Variants in SMYD3 observed in about 807,000 individuals in gnomAD.
SMYD3 encodes histone-lysine N-methyltransferase SMYD3.
In SMYD3, 36 loss-of-function variants were observed where a neutral mutation model predicts 57.7. That is an observed-to-expected ratio of 0.62 (90% confidence interval 0.48 to 0.82). The LOEUF (loss-of-function observed/expected upper bound fraction) is 0.82. SMYD3 is among the 40% of genes least tolerant of loss of function. The pLI, the probability that SMYD3 is intolerant of heterozygous loss-of-function variation, is 0.00. For missense variants in SMYD3, 515 were observed against 538.8 expected (o/e 0.96, Z 0.44); for synonymous variants, 211 against 195.0 (o/e 1.08, Z -0.68).
intron 7 of SMYD3, among the ~76,000 whole-genome samples, chr1:245,921,547 G>A (rs1344045454): frequency 2.8e-4 from 10 of 35,094 alleles, no homozygotes; most frequent in African/African-American, 3.9e-4. Context: ...AAAAAATGTG[G>A]TGTATATATA....
chr1:245,934,333 G>A (rs1396538648), intron 5 of SMYD3, among the ~76,000 whole-genome samples: 3 of 151,602 alleles, frequency 2.0e-5, no homozygotes, highest in Admixed American at 6.6e-5. Flanking sequence ...CCGGCACCCC[G>A]ACTCCTAGAA....
In SMYD3 at chr1:245,941,665, T is replaced by G. The variant is rs532170304; in HGVS notation, c.532-11728A>C. Reference sequence around the variant, plus strand: ...CCTCCCGAGTAGCTGAGATTACAGGTGCATGCCACCATGCCAAGCTAATTT... The same window carrying G: ...CCTCCCGAGTAGCTGAGATTACAGGGGCATGCCACCATGCCAAGCTAATTT... On this transcript the variant is annotated intron_variant, in intron 5 of 11. Transcript: ENST00000490107. Among the ~76,000 whole-genome samples, 11 of 152,166 alleles carry G rather than the reference T, an allele frequency of 7.2e-5. No homozygotes were observed. In the East Asian group the frequency reaches 2.1e-3, roughly 29 times the overall value.
chr1:245,950,620 C>T (rs112986590), intron 5 of SMYD3, among the ~76,000 whole-genome samples: 17 of 152,238 alleles, frequency 1.1e-4, no homozygotes, highest in East Asian at 7.7e-4. Context: ...TTCACCATTC[C>T]GAGTCGGTCG....
intron 8 of SMYD3, among the ~76,000 whole-genome samples, chr1:245,899,253 A>ATT (rs57422029): frequency 4.6e-5 from 7 of 151,456 alleles, no homozygotes; most frequent in East Asian, 1.9e-4. Context: ...TTACCTCTGT[A>ATT]TTTTTTTTTG....
In SMYD3 at chr1:246,360,963, C is replaced by T. The variant is rs138562078; in HGVS notation, c.165-5869G>A. 4.2e-3 allele frequency among the ~76,000 whole-genome samples: 640 copies of T among 152,196 alleles called. 5 individuals are homozygous for T. The highest frequency in any genetic ancestry group is 0.014 in the African/African-American group (561 of 41,508). On this transcript the variant is annotated intron_variant, in intron 1 of 11. Coordinates refer to ENST00000490107, the MANE Select transcript of SMYD3 (RefSeq NM_001167740.2). ...CATAAATAGATGGGACTTAATTAAA[C>T]CAAAAAGTTTCTGCACAGCAAAAGA...
intron 5 of SMYD3, among the ~76,000 whole-genome samples, chr1:245,951,570 A>C (rs1323484805): frequency 6.9e-6 from 1 of 144,980 alleles, no homozygotes; most frequent in Non-Finnish European, 1.5e-5. Flanking sequence ...CTCTCTCTCA[A>C]AAAAAAAAAA....
chr1:246,057,488 C>G (rs1043591060), intron 5 of SMYD3, among the ~76,000 whole-genome samples: 1 of 152,082 alleles, frequency 6.6e-6, no homozygotes, highest in East Asian at 1.9e-4. Flanking sequence ...ATGGCAAATA[C>G]GCATATGAAA....
chr1:246,047,482 T>C (rs549647709), intron 5 of SMYD3, among the ~76,000 whole-genome samples: 2 of 152,328 alleles, frequency 1.3e-5, no homozygotes, highest in African/African-American at 4.8e-5. Context: ...GAAAGCTGGA[T>C]TGTATTACCT....
chr1:246,296,522 T>C (rs1194703952), intron 5 of SMYD3, among the ~76,000 whole-genome samples: 2 of 152,102 alleles, frequency 1.3e-5, no homozygotes, highest in Admixed American at 6.6e-5. Context: ...AATAACATTA[T>C]ATACTTTTTA....
At chr1:246,027,858 T>C (rs1373753265) in intron 5 of SMYD3, among the ~76,000 whole-genome samples, 1 of 152,216 alleles carries the variant, frequency 6.6e-6, no homozygotes, top group African/African-American at 2.4e-5. Flanking sequence ...TTCTGATGGA[T>C]CTGGGGACAG....
chr1:246,335,428 C>G lies in SMYD3; in HGVS notation c.275G>C (p.Ser92Thr), dbSNP rs148874023. Residue 92 changes from serine (S) to threonine (T), a missense_variant, in exon 3 of 12, where the codon AGC becomes ACC. Ser to Thr is a moderately conservative substitution (Grantham distance 58, BLOSUM62 1). Transcript: ENST00000490107. ...GTCTGGAGGATATCTGGGTTTGCAG[C>G]TTTTAAGGCATTTGCATTCCCGCTT... ...DHKRECKCLK[S>T]CKPRYPPDSV... 1 of 1,614,030 alleles carries G rather than the reference C, an allele frequency of 6.2e-7. No homozygotes were observed. Among genetic ancestry groups the G allele is most frequent in the East Asian group, 2.2e-5 (1 of 44,888 alleles).
At chr1:246,059,661 G>C (rs956432161) in intron 5 of SMYD3, among the ~76,000 whole-genome samples, 3 of 152,084 alleles carry the variant, frequency 2.0e-5, no homozygotes, top group African/African-American at 7.2e-5. Flanking sequence ...CTTTTAAAAG[G>C]TCTTAAAAAC....
At chr1:246,061,472 GC>G (rs1441061894) in intron 5 of SMYD3, among the ~76,000 whole-genome samples, 1 of 151,790 alleles carries the variant, frequency 6.6e-6, no homozygotes, top group Non-Finnish European at 1.5e-5. Context: ...TATAATCTCA[GC>G]ACTTTGGGAG....
At chr1:245,802,403 C>T (rs2047913142) in intron 10 of SMYD3, among the ~76,000 whole-genome samples, 1 of 152,152 alleles carries the variant, frequency 6.6e-6, no homozygotes, top group Non-Finnish European at 1.5e-5. Flanking sequence ...CTCTCTTTTT[C>T]CTTTACTACA....
chr1:245,858,410 G>C, intron 10 of SMYD3, 86 bp downstream of exon 10: 5 of 1,339,396 alleles, frequency 3.7e-6, no homozygotes, highest in Non-Finnish European at 5.1e-6. Flanking sequence ...ATGCAAAGTA[G>C]TAATCAGAAT....
At chr1:246,312,945 C>A (rs765882185) in intron 5 of SMYD3, among the ~76,000 whole-genome samples, 1 of 152,050 alleles carries the variant, frequency 6.6e-6, no homozygotes, top group Non-Finnish European at 1.5e-5. Context: ...GACCGAGTCT[C>A]GCTCTATTAC....
chr1:246,336,513 A>G (rs1403259443), intron 2 of SMYD3, among the ~76,000 whole-genome samples: 1 of 152,180 alleles, frequency 6.6e-6, no homozygotes, highest in Non-Finnish European at 1.5e-5. Flanking sequence ...TCACTTCTAA[A>G]CAAGACTGAG....
At chr1:245,859,704 C>G (rs1487725512) in intron 9 of SMYD3, among the ~76,000 whole-genome samples, 1 of 152,174 alleles carries the variant, frequency 6.6e-6, no homozygotes, top group African/African-American at 2.4e-5. Context: ...TCACTCCTGT[C>G]TCACCTTCAC....
chr1:245,775,259 G>C (rs1419161813), intron 10 of SMYD3, among the ~76,000 whole-genome samples: 1 of 152,074 alleles, frequency 6.6e-6, no homozygotes, highest in Non-Finnish European at 1.5e-5. Context: ...GACGATGGCG[G>C]TTTTGTCGAG....
Sources: gnomAD v4.1 joint callset for allele counts (sites outside exome capture counted in the v4.1 genomes callset) on GRCh38, gnomAD v4.1.1 for gene constraint, MANE v1.5 for transcripts, NCBI Gene and HGNC (gene_info 2026-07-23, HGNC 2026-07-21) for gene names.